The following AOAH variants were observed in gnomAD, a reference collection of about 807,000 sequenced individuals.
The protein encoded by AOAH is acyloxyacyl hydrolase (neutrophil).
Under a neutral mutation model 92.2 loss-of-function variants are expected in AOAH, and 64 were observed. That is an observed-to-expected ratio of 0.69 (90% confidence interval 0.57 to 0.86). The LOEUF is 0.86. Ranked by LOEUF, AOAH falls within the 40% of genes least tolerant of loss-of-function variation. AOAH has a pLI of 0.00. For missense variants in AOAH, 656 were observed against 694.6 expected, an observed-to-expected ratio of 0.94 and a Z score of 0.62; for synonymous variants, 263 against 254.5, an observed-to-expected ratio of 1.03 and a Z score of -0.32.
chr7:36,699,637 G>GTTTTTTTT (rs377319409), intron 1 of AOAH, among the ~76,000 whole-genome samples: 1 of 134,510 alleles, frequency 7.4e-6, no homozygotes, highest in Non-Finnish European at 1.6e-5. Flanking sequence ...TGGATTATTT[G>GTTTTTTTT]TTTTTTTTTT....
At chr7:36,687,383 A>G (rs1338943532) in intron 1 of AOAH, among the ~76,000 whole-genome samples, 1 of 152,218 alleles carries the variant, frequency 6.6e-6, no homozygotes, top group African/African-American at 2.4e-5. Flanking sequence ...GGAACATGAT[A>G]AGTGTCTAGG....
intron 9 of AOAH, 143 bp from the exon 10 acceptor site, chr7:36,618,488 C>T (rs979207721): frequency 5.6e-6 from 4 of 713,440 alleles, no homozygotes; most frequent in Admixed American, 2.6e-5. Flanking sequence ...CCTAATTCAA[C>T]ATAGCAACGC....
At chr7:36,692,007 C>T (rs151319104) in intron 1 of AOAH, among the ~76,000 whole-genome samples, 13 of 152,296 alleles carry the variant, frequency 8.5e-5, no homozygotes, top group African/African-American at 2.9e-4. Flanking sequence ...ACCAGCTGAG[C>T]GCAGCTGCAG....
At chr7:36,665,413 C>T (rs974448708) in intron 3 of AOAH, among the ~76,000 whole-genome samples, 2 of 149,422 alleles carry the variant, frequency 1.3e-5, no homozygotes, top group Non-Finnish European at 3.0e-5. Context: ...GCTATAATTG[C>T]TTATTAGTTC....
intron 1 of AOAH, among the ~76,000 whole-genome samples, chr7:36,688,881 G>GT (rs1797211122): frequency 6.6e-6 from 1 of 151,780 alleles, no homozygotes; most frequent in Non-Finnish European, 1.5e-5. Context: ...ACATGTATAT[G>GT]GGTATACTTG....
rs1212721230 is a variant in AOAH at position 36,512,995 on chromosome 7, CT to C, written c.*256del. The C allele has an allele frequency of 2.7e-6, 4 of 1,476,110 alleles. No homozygotes were observed. Among genetic ancestry groups the C allele is most frequent in the Non-Finnish European group, 3.6e-6 (4 of 1,097,108 alleles). The allele number at this position is 1,476,110 out of a possible 1,614,324, so 91.4% of individuals were successfully genotyped here. Reference sequence around the variant, plus strand: ...TAGCTGTAAAGGGCACAGATACTCTCTTGTTTGGAATGGCACCCAAAGCACT... The same window carrying C: ...TAGCTGTAAAGGGCACAGATACTCTCTGTTTGGAATGGCACCCAAAGCACT... On this transcript the variant is annotated 3_prime_UTR_variant, in exon 21 of 21. Transcript: ENST00000617537.
intron 1 of AOAH, among the ~76,000 whole-genome samples, chr7:36,701,422 T>G (rs1798025004): frequency 6.6e-6 from 1 of 151,108 alleles, no homozygotes; most frequent in Non-Finnish European, 1.5e-5. Context: ...TTTTCAACTC[T>G]TTCAGTATTT....
At chr7:36,721,259 T>G (rs1375561795) in intron 1 of AOAH, among the ~76,000 whole-genome samples, 1 of 152,200 alleles carries the variant, frequency 6.6e-6, no homozygotes, top group African/African-American at 2.4e-5. Context: ...TTCCAAGACC[T>G]GCACCTACTT....
At chr7:36,661,576 C>G (rs1369627728) in intron 3 of AOAH, among the ~76,000 whole-genome samples, 2 of 150,724 alleles carry the variant, frequency 1.3e-5, no homozygotes, top group Non-Finnish European at 2.9e-5. Context: ...CCCCACCCAA[C>G]TATTATAACA....
In AOAH at chr7:36,516,238, TCACA is replaced by T. The variant is rs1267337084; in HGVS notation, c.1600-2862_1600-2859del. Among the ~76,000 whole-genome samples, 1 of 141,378 alleles carries T rather than the reference TCACA, an allele frequency of 7.1e-6. No homozygotes were observed. The highest frequency in any genetic ancestry group is 1.5e-5 in the Non-Finnish European group (1 of 65,248). The allele number at this position is 141,378 out of a possible 152,430, so 92.7% of individuals were successfully genotyped here. ...ATCCTACACACACCCCACACACACC[TCACA>T]CAGATACCACCACATGCACACTCAC... On this transcript the variant is annotated intron_variant, in intron 20 of 20. Coordinates refer to ENST00000617537, the MANE Select transcript of AOAH (RefSeq NM_001637.4). This position sits in a 1 kb window ranked among gnomAD's most constrained non-coding sequence, Gnocchi z 5.0.
At chr7:36,601,050 C>T (rs932437642) in intron 11 of AOAH, among the ~76,000 whole-genome samples, 1 of 152,134 alleles carries the variant, frequency 6.6e-6, no homozygotes, top group Non-Finnish European at 1.5e-5. Flanking sequence ...GAAAGGCCCC[C>T]GGGAGATGGC....
At chr7:36,564,543 T>C (rs1787539318) in intron 13 of AOAH, among the ~76,000 whole-genome samples, 1 of 152,230 alleles carries the variant, frequency 6.6e-6, no homozygotes, top group African/African-American at 2.4e-5. Context: ...GCTTTGGAAC[T>C]GATAGAAATG....
chr7:36,595,603 G>T (rs891575236), intron 11 of AOAH, among the ~76,000 whole-genome samples: 4 of 152,136 alleles, frequency 2.6e-5, no homozygotes, highest in Admixed American at 6.5e-5. Context: ...GGCAAACAAG[G>T]AATAATTTTT....
chr7:36,682,232 A>C (rs1047115297), intron 2 of AOAH, among the ~76,000 whole-genome samples: 8 of 152,332 alleles, frequency 5.3e-5, no homozygotes, highest in Admixed American at 4.6e-4. Context: ...ACTTTTGGGG[A>C]TAGAGAAAGT....
chr7:36,668,814 G>A (rs1163980531), intron 3 of AOAH, among the ~76,000 whole-genome samples: 1 of 152,224 alleles, frequency 6.6e-6, no homozygotes, highest in African/African-American at 2.4e-5. Flanking sequence ...AAAGATCTAT[G>A]AAGTATTGTT....
intron 15 of AOAH, among the ~76,000 whole-genome samples, chr7:36,545,404 C>A (rs1282291153): frequency 3.3e-5 from 5 of 152,302 alleles, no homozygotes; most frequent in Non-Finnish European, 2.9e-5. Context: ...CCATTCCCTT[C>A]CCTGCTGGCT....
chr7:36,567,328 G>A (rs922773759), intron 13 of AOAH, among the ~76,000 whole-genome samples: 5 of 152,138 alleles, frequency 3.3e-5, no homozygotes, highest in African/African-American at 4.8e-5. Flanking sequence ...GCATGGGTGA[G>A]AGCAAGGCCT....
At chr7:36,580,139 T>C (rs1369122726) in intron 12 of AOAH, among the ~76,000 whole-genome samples, 2 of 152,214 alleles carry the variant, frequency 1.3e-5, no homozygotes, top group African/African-American at 2.4e-5. Context: ...TGGAAATTCA[T>C]GATGTTCAGT....
At chr7:36,551,862 A>G (rs779083715) in intron 13 of AOAH, among the ~76,000 whole-genome samples, 17 of 152,170 alleles carry the variant, frequency 1.1e-4, no homozygotes, top group Non-Finnish European at 2.1e-4. Flanking sequence ...TGACTATATC[A>G]TCTTCTTTCT....
Sources: allele counts gnomAD v4.1 joint callset (sites outside exome capture counted in the v4.1 genomes callset), GRCh38; gene constraint gnomAD v4.1.1; non-coding constraint Gnocchi (gnomAD v3.1); transcripts MANE v1.5; gene names NCBI Gene and HGNC (gene_info 2026-07-23, HGNC 2026-07-21).